Variants in ATP9B observed in about 807,000 individuals in gnomAD.
ATP9B encodes ATPase phospholipid transporting 9B.
In ATP9B, 110 loss-of-function variants were observed where a neutral mutation model predicts 146.1. The ratio of observed to expected loss-of-function variants is 0.75; its 90% CI spans 0.65 to 0.88. The LOEUF (loss-of-function observed/expected upper bound fraction) is 0.88, where lower values mean the gene tolerates loss of function less well. Ranked by LOEUF, ATP9B falls within the 40% of genes least tolerant of loss-of-function variation. The probability of loss-of-function intolerance (pLI) is 0.00; values close to 1 mark genes in which losing one functional copy is unlikely to be tolerated. For synonymous variants in ATP9B, 604 were observed against 569.7 expected, an observed-to-expected ratio of 1.06 and a Z score of -0.86; for missense variants, 1,499 against 1,496.4, an observed-to-expected ratio of 1.00 and a Z score of -0.03.
intron 10 of ATP9B, 48 bp downstream of exon 10, chr18:79,207,060 T>C (rs749219146): frequency 1.7e-5 from 27 of 1,558,422 alleles, no homozygotes; most frequent in African/African-American, 2.7e-5. Context: ...GGATAGATGA[T>C]GCTTTGTTTT....
chr18:79,200,714 A>G (rs1182410855), intron 9 of ATP9B, among the ~76,000 whole-genome samples: 1 of 152,196 alleles, frequency 6.6e-6, no homozygotes. Flanking sequence ...GTCAGAGCAG[A>G]GGTGGAGGTG....
At chr18:79,083,426 G>A (rs1225016971) in intron 1 of ATP9B, among the ~76,000 whole-genome samples, 5 of 152,156 alleles carry the variant, frequency 3.3e-5, no homozygotes. Flanking sequence ...GTTCTGTCTT[G>A]TTGGCATTCC....
intron 8 of ATP9B, among the ~76,000 whole-genome samples, chr18:79,182,365 CTT>C (rs1283986609): frequency 2.6e-5 from 4 of 152,214 alleles, no homozygotes; most frequent in Non-Finnish European, 4.4e-5. Flanking sequence ...AGGTGGAACA[CTT>C]TGCATATTTC....
intron 25 of ATP9B, 106 bp from the exon 26 acceptor site, chr18:79,359,248 G>A (rs1319613133): frequency 1.3e-6 from 1 of 773,360 alleles, no homozygotes; most frequent in Non-Finnish European, 2.1e-6. Flanking sequence ...TTTTTGTGGA[G>A]TATTTTTTGG....
chr18:79,259,626 G>A (rs183498587), intron 12 of ATP9B, among the ~76,000 whole-genome samples: 35 of 152,302 alleles, frequency 2.3e-4, no homozygotes, highest in African/African-American at 5.5e-4. Flanking sequence ...CCCAGTGAGC[G>A]TGGGGATGCT....
intron 7 of ATP9B, 85 bp from the exon 8 acceptor site, chr18:79,176,728 A>T (rs1486129610): frequency 1.8e-6 from 2 of 1,105,340 alleles, no homozygotes; most frequent in Non-Finnish European, 2.7e-6. Context: ...TGTGCCCTGG[A>T]ATTATTCTTT....
At chr18:79,121,164 A>T (rs2094182427) in intron 4 of ATP9B, among the ~76,000 whole-genome samples, 1 of 152,234 alleles carries the variant, frequency 6.6e-6, no homozygotes, top group Non-Finnish European at 1.5e-5. Flanking sequence ...CACATCAATA[A>T]TGTACCCATC....
intron 10 of ATP9B, among the ~76,000 whole-genome samples, chr18:79,211,886 A>G (rs150738314): frequency 2.0e-5 from 3 of 152,296 alleles, no homozygotes; most frequent in African/African-American, 7.2e-5. Context: ...CACTGAAAAT[A>G]TGGGTTAAAG....
chr18:79,374,133 TTC>T (rs769927951), intron 28 of ATP9B, 32 bp downstream of exon 28: 1 of 1,597,794 alleles, frequency 6.3e-7, no homozygotes, highest in South Asian at 1.1e-5. Flanking sequence ...TTTTGAATCG[TTC>T]TCTATTCATG....
Position 79,253,528 on chromosome 18 carries a change from A to G in ATP9B, c.1255A>G (p.Ile419Val). ...LFRFLLLFSY[I>V]IPISLRVNLD... ...TCGGTTCCTTCTCCTCTTTTCTTAC[A>G]TCATTCCCATAAGGTAAGTTTAAAA... is the stretch of plus-strand genomic sequence containing the variant. The change falls in exon 12 of 30, where the codon ATC (isoleucine) becomes GTC (valine). Residue 419 changes from isoleucine to valine, a missense_variant. Ile to Val is a conservative substitution (Grantham distance 29, BLOSUM62 3). Coordinates refer to ENST00000426216, the MANE Select transcript of ATP9B (RefSeq NM_198531.5). 1 of 1,594,302 alleles carries G rather than the reference A, an allele frequency of 6.3e-7. No individual in the cohort carries two copies. Among genetic ancestry groups the G allele is most frequent in the Non-Finnish European group, 8.5e-7 (1 of 1,174,392 alleles).
At chr18:79,255,119 C>T (rs2096065463) in intron 12 of ATP9B, 1 of 152,110 alleles carries the variant, frequency 6.6e-6, no homozygotes, top group Admixed American at 6.5e-5. Flanking sequence ...TTACAAAGGC[C>T]CCATCCTGCT....
chr18:79,247,780 T>C (rs553803132), intron 11 of ATP9B, among the ~76,000 whole-genome samples: 1 of 152,356 alleles, frequency 6.6e-6, no homozygotes, highest in African/African-American at 2.4e-5. Context: ...TACTTTTTTA[T>C]GTTAATGTTC....
At chr18:79,136,625 A>G (rs2094450842) in intron 5 of ATP9B, among the ~76,000 whole-genome samples, 1 of 151,700 alleles carries the variant, frequency 6.6e-6, no homozygotes, top group African/African-American at 2.4e-5. Flanking sequence ...ATGTTTTTAA[A>G]TTTTTCTTTT....
At chr18:79,129,893 G>A (rs748996381) in intron 5 of ATP9B, among the ~76,000 whole-genome samples, 12 of 152,016 alleles carry the variant, frequency 7.9e-5, no homozygotes, top group Non-Finnish European at 1.5e-4. Flanking sequence ...ACAGGCATGC[G>A]CCACCATGCC....
chr18:79,216,647 A>G (rs2095629492), intron 11 of ATP9B, among the ~76,000 whole-genome samples: 1 of 152,218 alleles, frequency 6.6e-6, no homozygotes. Flanking sequence ...CACGTGGCCT[A>G]GAAATTCTTC....
At chr18:79,214,120 A>G in intron 11 of ATP9B, 82 bp downstream of exon 11, 3 of 928,330 alleles carry the variant, frequency 3.2e-6, no homozygotes, top group Non-Finnish European at 4.7e-6. Flanking sequence ...TGAATAGCTC[A>G]TTCTTTTGGC....
intron 11 of ATP9B, among the ~76,000 whole-genome samples, chr18:79,235,967 G>C (rs2095837970): frequency 6.6e-6 from 1 of 152,116 alleles, no homozygotes; most frequent in Admixed American, 6.5e-5. Flanking sequence ...GGTGTATACA[G>C]ATCTCTTGGT....
intron 11 of ATP9B, among the ~76,000 whole-genome samples, chr18:79,245,869 C>T (rs1321009984): frequency 8.9e-6 from 1 of 112,670 alleles, no homozygotes; most frequent in Admixed American, 9.2e-5. Context: ...GCCCTACTGT[C>T]TGTGCGGAGG....
At chr18:79,091,876 C>T (rs529638999) in intron 1 of ATP9B, among the ~76,000 whole-genome samples, 1 of 152,216 alleles carries the variant, frequency 6.6e-6, no homozygotes, top group Non-Finnish European at 1.5e-5. Flanking sequence ...GTGGATTTGT[C>T]TATTTTTCTT....
Sources: allele counts gnomAD v4.1 joint callset (sites outside exome capture counted in the v4.1 genomes callset), GRCh38; gene constraint gnomAD v4.1.1; transcripts MANE v1.5; gene names NCBI Gene and HGNC (gene_info 2026-07-23, HGNC 2026-07-21).